The following SLC30A8 variants were observed in gnomAD, a reference collection of about 807,000 sequenced individuals.
The protein encoded by SLC30A8 is proton-coupled zinc antiporter SLC30A8.
SLC30A8 carries 27 observed loss-of-function variants against 36.9 expected under a neutral mutation model. The observed-to-expected ratio is 0.73, with a 90% CI of 0.54 to 1.01. The LOEUF (loss-of-function observed/expected upper bound fraction) is 1.01. Among genes scored for constraint, SLC30A8 ranks in the 50% least tolerant of loss-of-function variants. The pLI is 0.00. For synonymous variants in SLC30A8, 164 were observed against 172.4 expected (o/e 0.95, Z 0.38); for missense variants, 439 against 452.0 (o/e 0.97, Z 0.26).
intron 6 of SLC30A8, among the ~76,000 whole-genome samples, chr8:117,169,610 A>AAAAT (rs1461059612): frequency 6.6e-6 from 1 of 152,086 alleles, no homozygotes; most frequent in Non-Finnish European, 1.5e-5. Flanking sequence ...ATTTATAAAG[A>AAAAT]AAATAAGGTT....
At chr8:117,126,738 C>T (rs1820923399) in intron 2 of SLC30A8, among the ~76,000 whole-genome samples, 1 of 151,870 alleles carries the variant, frequency 6.6e-6, no homozygotes, top group Non-Finnish European at 1.5e-5. Context: ...GAGAAACAAA[C>T]AAAATTAAAG....
intron 1 of SLC30A8, among the ~76,000 whole-genome samples, chr8:116,975,094 C>T (rs1031780137): frequency 8.6e-5 from 13 of 151,552 alleles, no homozygotes; most frequent in African/African-American, 2.9e-4. Flanking sequence ...TACCTAATGA[C>T]GAGTTACTGG....
intron 2 of SLC30A8, among the ~76,000 whole-genome samples, chr8:117,117,974 T>G (rs1586544831): frequency 6.6e-6 from 1 of 151,952 alleles, no homozygotes; most frequent in East Asian, 1.9e-4. Flanking sequence ...TAGGCTGTAC[T>G]TGTAGGCTAA....
chr8:117,038,278 T>G lies in SLC30A8; in HGVS notation c.-265-941T>G, dbSNP rs77041674. On this transcript the variant is annotated intron_variant, in intron 1 of 10. Transcript: ENST00000427715. The stretch of plus-strand genomic sequence containing the variant: ...ATTATTATTTCTAGCTTATTGTACA[T>G]CTTTTTTTATTTTTATTTTTTCCAA... Among the ~76,000 whole-genome samples, 85 of 152,338 alleles carry G rather than the reference T, an allele frequency of 5.6e-4. 1 individual carries two copies. The East Asian group carries it at 0.015, about 27-fold the overall frequency.
intron 2 of SLC30A8, among the ~76,000 whole-genome samples, chr8:117,072,909 T>A (rs1459295301): frequency 6.6e-6 from 1 of 152,018 alleles, no homozygotes; most frequent in African/African-American, 2.4e-5. Flanking sequence ...AAATCTTTAT[T>A]TCATGTATCC....
At chr8:117,113,939 T>G (rs960747528) in intron 2 of SLC30A8, among the ~76,000 whole-genome samples, 6 of 152,122 alleles carry the variant, frequency 3.9e-5, no homozygotes. Flanking sequence ...ACAGAAGATT[T>G]GTGAAACGAG....
chr8:117,087,953 G>A (rs1250522110), intron 2 of SLC30A8, among the ~76,000 whole-genome samples: 1 of 152,098 alleles, frequency 6.6e-6, no homozygotes, highest in Non-Finnish European at 1.5e-5. Flanking sequence ...AAAGTAGGCG[G>A]TGGGGGAGAG....
intron 1 of SLC30A8, among the ~76,000 whole-genome samples, chr8:117,037,447 G>C (rs901538469): frequency 6.6e-6 from 1 of 152,164 alleles, no homozygotes; most frequent in Non-Finnish European, 1.5e-5. Flanking sequence ...AGAATGGAGA[G>C]GAAGGGTAGG....
chr8:117,118,778 A>T (rs970269583), intron 2 of SLC30A8, among the ~76,000 whole-genome samples: 6 of 151,948 alleles, frequency 3.9e-5, no homozygotes, highest in African/African-American at 1.4e-4. Flanking sequence ...TTATCTTTTG[A>T]TGTGTAAAAC....
chr8:116,953,499 C>T (rs561012375), intron 1 of SLC30A8, among the ~76,000 whole-genome samples: 3 of 151,998 alleles, frequency 2.0e-5, no homozygotes, highest in Admixed American at 6.6e-5. Context: ...AATTACATTG[C>T]TTGTTCTGCT....
intron 2 of SLC30A8, among the ~76,000 whole-genome samples, chr8:117,072,339 T>C (rs1173095097): frequency 6.6e-6 from 1 of 152,210 alleles, no homozygotes; most frequent in Non-Finnish European, 1.5e-5. Context: ...ATAAAAGATA[T>C]ATGTTAGTTG....
At chr8:117,105,509 G>C (rs539416188) in intron 2 of SLC30A8, among the ~76,000 whole-genome samples, 2 of 152,148 alleles carry the variant, frequency 1.3e-5, no homozygotes, top group African/African-American at 4.8e-5. Flanking sequence ...GTATATTAAC[G>C]AATACGCATA....
chr8:117,142,746 A>G (rs1307003139), intron 1 of SLC30A8, among the ~76,000 whole-genome samples: 1 of 146,814 alleles, frequency 6.8e-6, no homozygotes, highest in Non-Finnish European at 1.5e-5. Flanking sequence ...CACACAATTT[A>G]AGGTAGTTCA....
intron 2 of SLC30A8, among the ~76,000 whole-genome samples, chr8:117,149,682 C>T (rs569047361): frequency 6.6e-6 from 1 of 152,306 alleles, no homozygotes; most frequent in South Asian, 2.1e-4. Flanking sequence ...CCTGCTATCA[C>T]ACAGTTCAAA....
chr8:116,996,934 G>A (rs559895259), intron 1 of SLC30A8, among the ~76,000 whole-genome samples: 14 of 151,068 alleles, frequency 9.3e-5, no homozygotes, highest in Non-Finnish European at 1.9e-4. Context: ...AGTAGAAAAT[G>A]ATTTAAACAT....
chr8:117,039,681 G>A (rs1267659295), intron 2 of SLC30A8, among the ~76,000 whole-genome samples: 1 of 152,194 alleles, frequency 6.6e-6, no homozygotes, highest in East Asian at 1.9e-4. Flanking sequence ...GACCCTTGAG[G>A]GCAATGGTTT....
chr8:117,115,459 G>A (rs1429502219), intron 2 of SLC30A8, among the ~76,000 whole-genome samples: 1 of 151,970 alleles, frequency 6.6e-6, no homozygotes, highest in African/African-American at 2.4e-5. Context: ...TGGTCCCCCT[G>A]CAATTTCTTC....
At chr8:117,157,640 AGGT>A in intron 3 of SLC30A8, 48 bp from the exon 4 acceptor site, 2 of 1,600,712 alleles carry the variant, frequency 1.2e-6, no homozygotes, top group Non-Finnish European at 1.7e-6. Flanking sequence ...GTGTAGGTGT[AGGT>A]GATGGAGTTA....
At chr8:116,970,462 A>T (rs1407057935) in intron 1 of SLC30A8, among the ~76,000 whole-genome samples, 1 of 152,242 alleles carries the variant, frequency 6.6e-6, no homozygotes, top group Non-Finnish European at 1.5e-5. Context: ...CTTTATTATC[A>T]TTATCAAGAA....
Sources: allele counts gnomAD v4.1 joint callset (sites outside exome capture counted in the v4.1 genomes callset), GRCh38; gene constraint gnomAD v4.1.1; transcripts MANE v1.5; gene names NCBI Gene and HGNC (gene_info 2026-07-23, HGNC 2026-07-21).